The following LTBP4 variants were observed in gnomAD, a reference collection of about 807,000 sequenced individuals.
The protein encoded by LTBP4 is latent-transforming growth factor beta-binding protein 4.
Under a neutral mutation model 180.2 loss-of-function variants are expected in LTBP4, and 93 were observed. That is an observed-to-expected ratio of 0.52 (90% CI 0.44 to 0.61). The LOEUF (loss-of-function observed/expected upper bound fraction) is 0.61. LTBP4 is among the 20% of genes least tolerant of loss of function. The probability of loss-of-function intolerance (pLI) is 0.00; values close to 1 mark genes in which losing one functional copy is unlikely to be tolerated. For missense variants in LTBP4, 2,116 were observed against 2,256.5 expected (o/e 0.94, Z 1.26); for synonymous variants, 947 against 934.5 (o/e 1.01, Z -0.24).
At position 40,609,558 on chromosome 19, in the gene LTBP4, C is replaced by T. The variant is rs1217219848; in HGVS notation, c.1455C>T (p.Asn485=). ...CCTCCTCCGGCATGTGTCAGCGCAACCCCCAGGTCTGCGGCCCAGGACGCT... is the reference window on the plus strand; with the variant it reads ...CCTCCTCCGGCATGTGTCAGCGCAATCCCCAGGTCTGCGGCCCAGGACGCT... ...SGPSSGMCQR[N]PQVCGPGRCI... Residue 485 remains asparagine, a synonymous_variant, in exon 10 of 30, where the codon AAC becomes AAT. Coordinates refer to ENST00000396819, the MANE Select transcript of LTBP4 (RefSeq NM_001042545.2). This position sits in a 1 kb window ranked among gnomAD's most constrained non-coding sequence, Gnocchi z 4.9. 6.2e-6 allele frequency: 10 copies of T among 1,613,268 alleles called. No homozygotes were observed.
intron 19 of LTBP4, among the ~76,000 whole-genome samples, chr19:40,615,910 T>C (rs1032173581): frequency 1.3e-5 from 2 of 152,108 alleles, no homozygotes; most frequent in African/African-American, 4.8e-5. Context: ...AATACATACG[T>C]ATAACATCAG....
Position 40,625,981 on chromosome 19 carries a change from C to G in LTBP4, c.3957C>G (p.Asp1319Glu), listed in dbSNP as rs765836009. 2 of 1,607,774 alleles carry G rather than the reference C, an allele frequency of 1.2e-6. No individual in the cohort carries two copies. Among genetic ancestry groups the G allele is most frequent in the South Asian group, 1.1e-5 (1 of 89,700 alleles). The change falls in exon 27 of 30, where the codon GAC becomes GAG. Residue 1319 changes from aspartate to glutamate, a missense_variant. By Grantham distance (45) the Asp-to-Glu change is conservative (BLOSUM62 2). Transcript: ENST00000396819. The stretch of plus-strand genomic sequence containing the variant: ...TGTATGGAGAGGCCTGGGGCATGGA[C>G]TGCGCCCTCTGCCCTGCGCAGGACT... ...CCLYGEAWGM[D>E]CALCPAQDSD...
rs2081647859 is a variant in LTBP4 at position 40,627,791 on chromosome 19, C to T, written c.4453C>T (p.Pro1485Ser). The change falls in exon 29 of 30, where the codon CCC becomes TCC. Residue 1485 changes from proline (P) to serine (S), a missense_variant. Coordinates refer to ENST00000396819, the MANE Select transcript of LTBP4 (RefSeq NM_001042545.2). Reference protein sequence around the residue: ...GCTNGRCVRVPEGFTCRCFDG... With the variant: ...GCTNGRCVRVSEGFTCRCFDG... ...CACCAACGGCCGCTGCGTGCGCGTCCCCGAAGGCTTCACCTGCCGTTGCTT... is the reference window on the plus strand; with the variant it reads ...CACCAACGGCCGCTGCGTGCGCGTCTCCGAAGGCTTCACCTGCCGTTGCTT... 1 of 1,571,898 alleles carries T rather than the reference C, an allele frequency of 6.4e-7. No homozygotes were observed. The highest frequency in any genetic ancestry group is 8.6e-7 in the Non-Finnish European group (1 of 1,163,008).
chr19:40,607,816 CT>C (rs1160113677), intron 7 of LTBP4, among the ~76,000 whole-genome samples: 1 of 152,236 alleles, frequency 6.6e-6, no homozygotes, highest in Non-Finnish European at 1.5e-5. Context: ...TGTCCCTGAA[CT>C]TTGACCAAGT....
chr19:40,626,530 C>T (rs1006119231), intron 27 of LTBP4, among the ~76,000 whole-genome samples: 1 of 152,134 alleles, frequency 6.6e-6, no homozygotes, highest in African/African-American at 2.4e-5. Flanking sequence ...GTTTCTACAA[C>T]CTCTGAGTCC....
chr19:40,616,292 T>TAAAAAA (rs72117985), intron 19 of LTBP4, among the ~76,000 whole-genome samples: 64 of 136,450 alleles, frequency 4.7e-4, no homozygotes, highest in East Asian at 8.1e-4. Flanking sequence ...AGACCCCATT[T>TAAAAAA]AAAAAAAAGA....
intron 1 of LTBP4, among the ~76,000 whole-genome samples, chr19:40,594,245 G>A (rs979786397): frequency 6.6e-6 from 1 of 151,388 alleles, no homozygotes; most frequent in South Asian, 2.1e-4. Context: ...GTTTTTGTGC[G>A]TGAGAGGGCA....
intron 19 of LTBP4, chr19:40,615,331 C>G (rs2081541404): frequency 6.6e-6 from 1 of 151,928 alleles, no homozygotes; most frequent in Non-Finnish European, 1.5e-5. Flanking sequence ...TTCATTAATT[C>G]CACAAGAATT....
In LTBP4 at chr19:40,607,517, C is replaced by A. The variant is rs1261303457; in HGVS notation, c.1144C>A (p.Pro382Thr). The A allele has an allele frequency of 1.9e-6, 3 of 1,610,278 alleles. No individual in the cohort carries two copies. Among genetic ancestry groups the A allele is most frequent in the Non-Finnish European group, 2.5e-6 (3 of 1,178,646 alleles). ...AWGRGCQLCP[P>T]FGSEGFREIC... ...GGGCCGGGGCTGCCAGCTCTGCCCA[C>A]CCTTCGGCTCAGGTGAGCCCCTGCG... The change falls in exon 7 of 30, where the codon CCC (proline) becomes ACC (threonine). Residue 382 changes from proline (P) to threonine (T), a missense_variant. Coordinates refer to ENST00000396819, the MANE Select transcript of LTBP4 (RefSeq NM_001042545.2).
chr19:40,609,678 G>A lies in LTBP4; in HGVS notation c.1558+17G>A. 1.9e-6 allele frequency: 3 copies of A among 1,612,332 alleles called. No homozygotes were observed. In the South Asian group the frequency reaches 3.3e-5, roughly 18 times the overall value. ...GATGCATTGGTGAGCAAGACGGAGG[G>A]CGCGGAAGGAGGCGGGGCGGGGGGC... On this transcript the variant is annotated intron_variant, in intron 10 of 29. Transcript: ENST00000396819. This position sits in a 1 kb window ranked among gnomAD's most constrained non-coding sequence, Gnocchi z 4.9.
At chr19:40,602,163 G>A (rs1428109258) in intron 1 of LTBP4, among the ~76,000 whole-genome samples, 7 of 143,960 alleles carry the variant, frequency 4.9e-5, no homozygotes, top group Non-Finnish European at 9.1e-5. Flanking sequence ...GTGTGTGTGT[G>A]TGTGTGTGTG....
At chr19:40,601,028 G>GC (rs915808609), upstream of LTBP4, among the ~76,000 whole-genome samples, 14 of 152,228 alleles carry the variant, frequency 9.2e-5, no homozygotes, top group Non-Finnish European at 1.8e-4. Flanking sequence ...CCCAAATGTG[G>GC]CCCCCACTAC....
chr19:40,614,742 G>A (rs1219480519), intron 19 of LTBP4, among the ~76,000 whole-genome samples: 3 of 151,674 alleles, frequency 2.0e-5, no homozygotes, highest in Non-Finnish European at 4.4e-5. Flanking sequence ...GTTAGGCCCC[G>A]CCCCTTCCAA....
At chr19:40,599,729 T>C, upstream of LTBP4, 1 of 623,432 alleles carries the variant, frequency 1.6e-6, no homozygotes, top group Non-Finnish European at 2.8e-6. Flanking sequence ...CCTGCCTATC[T>C]CAGGCTCTTC....
Position 40,627,150 on chromosome 19 carries a change from G to T in LTBP4, c.4161G>T (p.Pro1387=). 2.5e-6 allele frequency: 4 copies of T among 1,613,026 alleles called. No homozygotes were observed. Among genetic ancestry groups the T allele is most frequent in the Non-Finnish European group, 3.4e-6 (4 of 1,179,622 alleles). The change falls in exon 28 of 30, where the codon CCG becomes CCT. Residue 1387 remains proline, a synonymous_variant. Coordinates refer to ENST00000396819, the MANE Select transcript of LTBP4 (RefSeq NM_001042545.2). ...PPALPYDPYP[P]PPGPFARREA... is the part of the protein sequence containing the mutation. ...CGCTACCCTACGACCCCTACCCACC[G>T]CCACCTGGGCCCTTCGCCCGCCGGG... is the stretch of plus-strand genomic sequence containing the variant.
upstream of LTBP4, chr19:40,599,395 C>A (rs1337117538): frequency 1.2e-6 from 2 of 1,610,488 alleles, no homozygotes; most frequent in East Asian, 2.2e-5. Flanking sequence ...CCTCCTTCCC[C>A]ACTTAGTCCC....
chr19:40,613,369 T>TC lies in LTBP4; in HGVS notation c.2432-32dup. 6.3e-7 allele frequency: 1 copy of TC among 1,594,964 alleles called. No homozygotes were observed. The highest frequency in any genetic ancestry group is 8.5e-7 in the Non-Finnish European group (1 of 1,172,330). ...GGCGGAGCTTGTCTGGGAGGCCGGG[T>TC]CCCGTGACTCCGCCCAATCTCCCGC... is the stretch of plus-strand genomic sequence containing the variant. On this transcript the variant is annotated intron_variant, in intron 16 of 29. Transcript: ENST00000396819. This position sits in a 1 kb window ranked among gnomAD's most constrained non-coding sequence, Gnocchi z 5.0.
chr19:40,613,563 G>C lies in LTBP4; in HGVS notation c.2557+34G>C. 6.4e-7 allele frequency: 1 copy of C among 1,552,630 alleles called. No individual in the cohort carries two copies. Among genetic ancestry groups the C allele is most frequent in the Non-Finnish European group, 8.7e-7 (1 of 1,150,962 alleles). On this transcript the variant is annotated intron_variant, in intron 17 of 29. Transcript: ENST00000396819. This position sits in a 1 kb window ranked among gnomAD's most constrained non-coding sequence, Gnocchi z 5.0. ...CCGGGCTGATCCTGGCCCCGGAAAG[G>C]GTGGGCTTAGGGCAGGAAAAGGCGG...
intron 4 of LTBP4, among the ~76,000 whole-genome samples, 171 bp downstream of exon 4, chr19:40,606,002 C>A (rs1165157880): frequency 6.6e-6 from 1 of 152,210 alleles, no homozygotes; most frequent in East Asian, 1.9e-4. Context: ...GACCACCCAC[C>A]CCATTTTCTG....
Sources: gnomAD v4.1 joint callset for allele counts (sites outside exome capture counted in the v4.1 genomes callset) on GRCh38, gnomAD v4.1.1 for gene constraint, Gnocchi (gnomAD v3.1) non-coding constraint, MANE v1.5 for transcripts, NCBI Gene and HGNC (gene_info 2026-07-23, HGNC 2026-07-21) for gene names.